Variants in ADGRL3 observed in about 807,000 individuals in gnomAD.
ADGRL3 encodes the protein adhesion G protein-coupled receptor L3, also known as calcium-independent alpha-latrotoxin receptor 3.
In ADGRL3, 62 loss-of-function variants were observed where a neutral mutation model predicts 153.5. That is an observed-to-expected ratio of 0.40 (90% CI 0.33 to 0.50). The LOEUF is 0.50. Ranked by LOEUF, ADGRL3 falls within the 20% of genes least tolerant of loss-of-function variation. The probability of loss-of-function intolerance (pLI) is 0.47; values close to 1 mark genes in which losing one functional copy is unlikely to be tolerated. For missense variants in ADGRL3, 1,641 were observed against 1,859.4 expected (o/e 0.88, Z 2.16); for synonymous variants, 710 against 672.5 (o/e 1.06, Z -0.86).
Position 61,857,070 on chromosome 4 carries a change from T to C in ADGRL3, c.1481-35586T>C, listed in dbSNP as rs980863409. On this transcript the variant is annotated intron_variant, in intron 9 of 26. Transcript: ENST00000683033. ...TCTCCCTCCCTCCCTCTCTCTCTCT[T>C]TCTTTCTTTCTTTTTTTCTTTCTTT... Among the ~76,000 whole-genome samples, 14 of 150,406 alleles carry C rather than the reference T, an allele frequency of 9.3e-5. No individual in the cohort carries two copies. The Admixed American group carries it at 9.3e-4, about 10-fold the overall frequency.
chr4:61,815,985 TGA>T (rs1202096891), intron 9 of ADGRL3, among the ~76,000 whole-genome samples: 2 of 152,226 alleles, frequency 1.3e-5, no homozygotes, highest in African/African-American at 4.8e-5. Context: ...ACAAACGGAC[TGA>T]GATGGATGCT....
chr4:61,309,082 ATTTAC>A (rs1351620899), intron 1 of ADGRL3, among the ~76,000 whole-genome samples: 3 of 152,170 alleles, frequency 2.0e-5, no homozygotes, highest in Non-Finnish European at 2.9e-5. Context: ...AGAGATCAAA[ATTTAC>A]TTTGAGTCAT....
At chr4:61,241,024 A>G (rs1173692811) in intron 1 of ADGRL3, among the ~76,000 whole-genome samples, 1 of 152,058 alleles carries the variant, frequency 6.6e-6, no homozygotes, top group Non-Finnish European at 1.5e-5. Context: ...AATCCTAAAA[A>G]TTATGTTGTT....
At chr4:61,591,695 T>C (rs1173608759) in intron 5 of ADGRL3, among the ~76,000 whole-genome samples, 1 of 152,054 alleles carries the variant, frequency 6.6e-6, no homozygotes, top group Non-Finnish European at 1.5e-5. Context: ...AGGAGTATTT[T>C]TTTTCTATTT....
intron 8 of ADGRL3, among the ~76,000 whole-genome samples, chr4:61,774,762 T>C (rs2097128218): frequency 6.6e-6 from 1 of 152,242 alleles, no homozygotes; most frequent in Non-Finnish European, 1.5e-5. Context: ...GTTGTTAATC[T>C]CTTACTGTGC....
At chr4:61,986,739 G>A (rs576435445) in intron 19 of ADGRL3, among the ~76,000 whole-genome samples, 73 of 152,288 alleles carry the variant, frequency 4.8e-4, no homozygotes, top group African/African-American at 1.7e-3. Flanking sequence ...TATATCACAG[G>A]GGGGCATAAC....
chr4:61,284,931 C>G (rs1578117430), intron 1 of ADGRL3, among the ~76,000 whole-genome samples: 1 of 151,498 alleles, frequency 6.6e-6, no homozygotes, highest in Non-Finnish European at 1.5e-5. Flanking sequence ...CCTCTTAAGC[C>G]CCGCTCTTTG....
chr4:61,438,705 T>C (rs1268988689), intron 2 of ADGRL3, among the ~76,000 whole-genome samples: 1 of 60,090 alleles, frequency 1.7e-5, no homozygotes, highest in Non-Finnish European at 3.5e-5. Flanking sequence ...CTACGATCTT[T>C]CTTTCTTTTT....
At chr4:61,746,628 A>C (rs2096665417) in intron 8 of ADGRL3, among the ~76,000 whole-genome samples, 1 of 152,232 alleles carries the variant, frequency 6.6e-6, no homozygotes. Flanking sequence ...AACGAAATGA[A>C]GGCAGAAATA....
chr4:61,556,346 CA>C (rs2098766701), intron 4 of ADGRL3, among the ~76,000 whole-genome samples: 2 of 151,982 alleles, frequency 1.3e-5, no homozygotes, highest in Admixed American at 6.6e-5. Context: ...ACAAGGAGTA[CA>C]AAAGGCTGTG....
chr4:61,427,489 G>T, intron 2 of ADGRL3: 1 of 153,506 alleles, frequency 6.5e-6, no homozygotes. Context: ...AGGTAGATAG[G>T]GGTTCCCCCA....
At chr4:61,791,117 C>T (rs1295620231) in intron 8 of ADGRL3, among the ~76,000 whole-genome samples, 1 of 152,148 alleles carries the variant, frequency 6.6e-6, no homozygotes, top group African/African-American at 2.4e-5. Flanking sequence ...ATCATGCCTT[C>T]CCAGCAGTCT....
At chr4:62,034,607 T>G (rs1301874694) in intron 23 of ADGRL3, among the ~76,000 whole-genome samples, 1 of 151,872 alleles carries the variant, frequency 6.6e-6, no homozygotes, top group East Asian at 1.9e-4. Flanking sequence ...TTTTAAGCCA[T>G]CTGATTAAAT....
intron 4 of ADGRL3, among the ~76,000 whole-genome samples, chr4:61,520,650 C>CTGTGTGTGTGTG (rs1368696431): frequency 1.5e-4 from 5 of 32,844 alleles, no homozygotes; most frequent in Non-Finnish European, 2.5e-4. Context: ...TTCTATAAAC[C>CTGTGTGTGTGTG]TCTGTGTGTG....
intron 5 of ADGRL3, among the ~76,000 whole-genome samples, chr4:61,641,389 ACTC>A (rs1210607583): frequency 1.4e-5 from 2 of 148,100 alleles, no homozygotes; most frequent in African/African-American, 5.0e-5. Flanking sequence ...GCACCCACTA[ACTC>A]CTCCTCTAGC....
At chr4:61,425,646 TG>T (rs1321109536) in intron 2 of ADGRL3, among the ~76,000 whole-genome samples, 1 of 152,210 alleles carries the variant, frequency 6.6e-6, no homozygotes, top group Non-Finnish European at 1.5e-5. Flanking sequence ...ATGGTTCCTT[TG>T]GGTCCTCTAT....
chr4:61,730,896 A>G (rs2096430211), intron 7 of ADGRL3, among the ~76,000 whole-genome samples: 1 of 151,906 alleles, frequency 6.6e-6, no homozygotes. Flanking sequence ...AATCCAACTC[A>G]TGGTGATGAA....
At chr4:61,645,403 T>C (rs28857874) in intron 5 of ADGRL3, among the ~76,000 whole-genome samples, 54,054 of 149,780 alleles carry the variant, frequency 0.36, 10,439 homozygotes, top group East Asian at 0.52. Flanking sequence ...CATTTTGGCA[T>C]GATTTTGCAG....
At chr4:62,059,842 A>G (rs1259618355) in intron 25 of ADGRL3, among the ~76,000 whole-genome samples, 1 of 152,176 alleles carries the variant, frequency 6.6e-6, no homozygotes, top group African/African-American at 2.4e-5. Flanking sequence ...GAACAATAAA[A>G]TGAACTTTAG....
Sources: gnomAD v4.1 joint callset for allele counts (sites outside exome capture counted in the v4.1 genomes callset) on GRCh38, gnomAD v4.1.1 for gene constraint, MANE v1.5 for transcripts, NCBI Gene and HGNC (gene_info 2026-07-23, HGNC 2026-07-21) for gene names.